POLN: variants seen among roughly 807,000 people sequenced by gnomAD.
The protein encoded by POLN is DNA polymerase N.
A neutral mutation model predicts 113.5 loss-of-function variants in POLN; 108 were observed. That is an observed-to-expected ratio of 0.95 (90% CI 0.81 to 1.12). The LOEUF is 1.12. Among genes scored for constraint, POLN ranks in the 50% most tolerant of loss-of-function variants. The pLI is 0.00. For missense variants in POLN, 1,097 were observed against 1,077.1 expected (o/e 1.02, Z -0.26); for synonymous variants, 386 against 391.5 (o/e 0.99, Z 0.17).
intron 5 of POLN, among the ~76,000 whole-genome samples, chr4:2,206,126 A>C (rs1733836596): frequency 6.6e-6 from 1 of 152,190 alleles, no homozygotes; most frequent in African/African-American, 2.4e-5. Context: ...TCTTTGACAA[A>C]GCAAACAAAA....
intron 20 of POLN, chr4:2,088,946 G>A (rs1237840737): frequency 3.0e-6 from 3 of 991,306 alleles, no homozygotes; most frequent in Non-Finnish European, 4.6e-6. Flanking sequence ...AGCAGCAACG[G>A]CCTTGGTCCG....
Position 2,128,724 on chromosome 4 carries a change from C to A in POLN, c.1867+455G>T, listed in dbSNP as rs34124470. Among the ~76,000 whole-genome samples, 370 of 152,214 alleles carry A rather than the reference C, an allele frequency of 2.4e-3. 1 individual carries two copies. In the Middle Eastern group the frequency reaches 0.031, roughly 13 times the overall value. On this transcript the variant is annotated intron_variant, in intron 18 of 25. Coordinates refer to ENST00000511885, the MANE Select transcript of POLN (RefSeq NM_181808.4). ...GATACGGTGATGTGACGGGACACTGCAAGAAAAACTTGTTATTATGTACTG... is the reference window on the plus strand; with the variant it reads ...GATACGGTGATGTGACGGGACACTGAAAGAAAAACTTGTTATTATGTACTG...
rs969138228 is a variant in POLN at position 2,126,147 on chromosome 4, G to A, written c.1982+1966C>T. On this transcript the variant is annotated intron_variant, in intron 19 of 25. Transcript: ENST00000511885. The surrounding 1 kb of genome is among the most constrained non-coding windows in gnomAD (Gnocchi z 4.6). The stretch of plus-strand genomic sequence containing the variant: ...CACCATGTGCTGTGCTCGTCACATC[G>A]ACCCGGTACAGTGCCTCTTCCTGTG... 2.0e-5 allele frequency among the ~76,000 whole-genome samples: 3 copies of A among 152,172 alleles called. No homozygotes were observed. Among genetic ancestry groups the A allele is most frequent in the Non-Finnish European group, 2.9e-5 (2 of 68,034 alleles).
At chr4:2,174,601 T>G in intron 10 of POLN, 90 bp downstream of exon 10, 1 of 1,107,626 alleles carries the variant, frequency 9.0e-7, no homozygotes, top group South Asian at 1.3e-5. Flanking sequence ...TACTATCTAC[T>G]CCTAAGTAAG....
chr4:2,138,112 T>G (rs558109500), intron 16 of POLN, among the ~76,000 whole-genome samples: 3 of 152,280 alleles, frequency 2.0e-5, no homozygotes, highest in Admixed American at 6.5e-5. Context: ...GCTGGGATTA[T>G]AGGCATGAGC....
At chr4:2,136,711 T>C (rs1307382936) in intron 16 of POLN, among the ~76,000 whole-genome samples, 1 of 152,210 alleles carries the variant, frequency 6.6e-6, no homozygotes, top group Non-Finnish European at 1.5e-5. Context: ...CATGAGCCCG[T>C]TGCTTTTCTC....
At chr4:2,149,799 G>A (rs1732244055) in intron 16 of POLN, among the ~76,000 whole-genome samples, 2 of 150,722 alleles carry the variant, frequency 1.3e-5, no homozygotes, top group Admixed American at 1.3e-4. Context: ...AAGAGAGAGA[G>A]AGGGCCGGGC....
intron 8 of POLN, among the ~76,000 whole-genome samples, chr4:2,178,250 CA>C (rs1179026228): frequency 1.4e-4 from 22 of 152,300 alleles, no homozygotes; most frequent in African/African-American, 5.1e-4. Context: ...GTGCCCAGCA[CA>C]CAGCTTGGGC....
At chr4:2,241,993 G>T in intron 1 of POLN, 58 bp downstream of exon 1, 1 of 985,564 alleles carries the variant, frequency 1.0e-6, no homozygotes, top group Non-Finnish European at 1.2e-6. Context: ...GACGGGGATC[G>T]CGGCCACTCC....
chr4:2,236,150 T>C (rs1047931833), intron 2 of POLN: 24 of 792,160 alleles, frequency 3.0e-5, no homozygotes, highest in African/African-American at 1.7e-5. Context: ...ATTTTCCTCA[T>C]GTTAACATTT....
intron 5 of POLN, among the ~76,000 whole-genome samples, chr4:2,205,874 CAAAAAAA>C (rs59182481): frequency 1.2e-5 from 1 of 82,054 alleles, no homozygotes; most frequent in Non-Finnish European, 2.9e-5. Context: ...GACTCTGTCT[CAAAAAAA>C]AAAAAAAAAA....
At position 2,201,358 on chromosome 4, in the gene POLN, C is replaced by A. The variant is rs145799187; in HGVS notation, c.715-2641G>T. On this transcript the variant is annotated intron_variant, in intron 5 of 25. Transcript: ENST00000511885. ...ATAGATGGCATATATAAAAAAAAAT[C>A]AAAACTTCAGGAAACAATAGATGCA... Among the ~76,000 whole-genome samples, 211 of 96,878 alleles carry A rather than the reference C, an allele frequency of 2.2e-3. 1 individual carries two copies. Among genetic ancestry groups the A allele is most frequent in the African/African-American group, 9.0e-3 (202 of 22,428 alleles). 63.6% of individuals were successfully genotyped at this position (96,878 alleles called of 152,430 possible).
chr4:2,139,143 C>A (rs940654154), intron 16 of POLN, among the ~76,000 whole-genome samples: 1 of 152,074 alleles, frequency 6.6e-6, no homozygotes, highest in Non-Finnish European at 1.5e-5. Context: ...GCCGCAGGGT[C>A]AGAGGGGAAG....
intron 3 of POLN, among the ~76,000 whole-genome samples, chr4:2,213,976 C>A (rs1319856625): frequency 1.3e-5 from 2 of 152,148 alleles, no homozygotes; most frequent in African/African-American, 2.4e-5. Context: ...TGACTCACGC[C>A]TGTGATCCCA....
At chr4:2,181,687 G>A (rs897587312) in intron 7 of POLN, among the ~76,000 whole-genome samples, 1 of 152,038 alleles carries the variant, frequency 6.6e-6, no homozygotes, top group African/African-American at 2.4e-5. Flanking sequence ...TGTAATTCAA[G>A]ATGACTTTAG....
At chr4:2,075,341 G>C in intron 24 of POLN, 111 bp downstream of exon 24, 1 of 1,136,348 alleles carries the variant, frequency 8.8e-7, no homozygotes, top group African/African-American at 1.5e-5. Flanking sequence ...TGGGGCAGGG[G>C]CCATAAAAGG....
chr4:2,121,557 TTATC>T (rs1731443285), intron 19 of POLN, among the ~76,000 whole-genome samples: 1 of 151,910 alleles, frequency 6.6e-6, no homozygotes, highest in Non-Finnish European at 1.5e-5. Flanking sequence ...AATATTTAGG[TTATC>T]TATTTCATCT....
At chr4:2,216,464 G>A (rs1056707478) in intron 3 of POLN, among the ~76,000 whole-genome samples, 1 of 152,210 alleles carries the variant, frequency 6.6e-6, no homozygotes, top group Admixed American at 6.5e-5. Context: ...CTTCATCACA[G>A]GTGTCACCTC....
intron 9 of POLN, 33 bp downstream of exon 9, chr4:2,176,233 C>T (rs1419901731): frequency 6.4e-7 from 1 of 1,560,178 alleles, no homozygotes; most frequent in East Asian, 2.3e-5. Flanking sequence ...TTGTGAGCCT[C>T]TGTCAGCCAG....
Sources: allele counts gnomAD v4.1 joint callset (sites outside exome capture counted in the v4.1 genomes callset), GRCh38; gene constraint gnomAD v4.1.1; non-coding constraint Gnocchi (gnomAD v3.1); transcripts MANE v1.5; gene names NCBI Gene and HGNC (gene_info 2026-07-23, HGNC 2026-07-21).